Variants in CSTPP1 observed in about 807,000 individuals in gnomAD.
The protein encoded by CSTPP1 is UPF0705 protein C11orf49.
chr11:47,134,213 G>C, the CSTPP1 span, among the ~76,000 whole-genome samples: 4 of 151,556 alleles, frequency 2.6e-5, no homozygotes, highest in East Asian at 1.9e-4. Flanking sequence ...ATTTTTTTGA[G>C]GGGGGAAGGA....
the CSTPP1 span, chr11:47,041,086 GC>G: frequency 5.3e-6 from 1 of 186,954 alleles, no homozygotes; most frequent in South Asian, 5.8e-5. Context: ...GACTTTGTCT[GC>G]CCCCTGCACC....
the CSTPP1 span, chr11:47,160,859 T>G: frequency 6.3e-6 from 3 of 479,986 alleles, no homozygotes; most frequent in Non-Finnish European, 1.1e-5. Flanking sequence ...CACCACCTGG[T>G]GTTGGAAGGG....
the CSTPP1 span, among the ~76,000 whole-genome samples, chr11:47,050,396 T>C: frequency 3.3e-5 from 5 of 152,324 alleles, no homozygotes; most frequent in Admixed American, 6.5e-5. Flanking sequence ...GCTTACTCCA[T>C]AGAACTGACA....
chr11:47,005,804 A>C, the CSTPP1 span, among the ~76,000 whole-genome samples: 2 of 152,228 alleles, frequency 1.3e-5, no homozygotes, highest in African/African-American at 2.4e-5. Flanking sequence ...TGTTGGAATG[A>C]TTAAATGAGT....
At chr11:47,125,193 G>T in the CSTPP1 span, among the ~76,000 whole-genome samples, 2 of 152,214 alleles carry the variant, frequency 1.3e-5, no homozygotes, top group African/African-American at 2.4e-5. Context: ...TTCATCTGAA[G>T]AGATGTGTGT....
At chr11:46,951,427 G>T in the CSTPP1 span, among the ~76,000 whole-genome samples, 1 of 151,662 alleles carries the variant, frequency 6.6e-6, no homozygotes, top group Admixed American at 6.6e-5. Context: ...CTCCCAGGTA[G>T]CTGGGACTAT....
At chr11:47,129,957 A>C in the CSTPP1 span, among the ~76,000 whole-genome samples, 1 of 152,162 alleles carries the variant, frequency 6.6e-6, no homozygotes, top group Non-Finnish European at 1.5e-5. Flanking sequence ...AGTCATAATA[A>C]AATATAAAAC....
the CSTPP1 span, among the ~76,000 whole-genome samples, chr11:47,152,572 CCGAGG>C: frequency 2.0e-5 from 3 of 152,190 alleles, no homozygotes; most frequent in Non-Finnish European, 4.4e-5. Context: ...AGCTTCTGCT[CCGAGG>C]CAGGCTCTGG....
At chr11:47,039,131 CT>C in the CSTPP1 span, among the ~76,000 whole-genome samples, 1 of 127,450 alleles carries the variant, frequency 7.8e-6, no homozygotes, top group South Asian at 2.5e-4. Flanking sequence ...AATCTCGGCA[CT>C]TTGGGAGGCC....
the CSTPP1 span, among the ~76,000 whole-genome samples, chr11:46,976,522 A>T: frequency 6.6e-6 from 1 of 152,190 alleles, no homozygotes; most frequent in African/African-American, 2.4e-5. Flanking sequence ...CACCTTGGGC[A>T]TGTTACAGAA....
chr11:47,163,955 T>G, the CSTPP1 span: 1 of 1,033,156 alleles, frequency 9.7e-7, no homozygotes. Flanking sequence ...GTTAAATATT[T>G]CTTAAACTCC....
At chr11:47,157,769 CCT>C in the CSTPP1 span, 1 of 1,578,404 alleles carries the variant, frequency 6.3e-7, no homozygotes. Context: ...CAGAGGTGGC[CCT>C]GAGGCTGGCT....
At chr11:47,064,720 G>T in the CSTPP1 span, among the ~76,000 whole-genome samples, 7 of 151,864 alleles carry the variant, frequency 4.6e-5, no homozygotes, top group East Asian at 5.8e-4. Flanking sequence ...ATAAGTTGGG[G>T]TTTTTTTGTT....
chr11:47,081,570 A>C, the CSTPP1 span, among the ~76,000 whole-genome samples: 1 of 152,190 alleles, frequency 6.6e-6, no homozygotes. Context: ...TACTCTCTCC[A>C]TCACCACACT....
chr11:47,013,620 G>A, the CSTPP1 span, among the ~76,000 whole-genome samples: 2 of 152,166 alleles, frequency 1.3e-5, no homozygotes, highest in Non-Finnish European at 2.9e-5. Context: ...TGGTGTATAT[G>A]TACCACATTT....
the CSTPP1 span, among the ~76,000 whole-genome samples, chr11:46,990,888 C>G: frequency 2.4e-3 from 369 of 152,284 alleles, 1 homozygote; most frequent in African/African-American, 8.1e-3. Flanking sequence ...AACAGGGAGT[C>G]CTTTCCCCAG....
At chr11:47,021,209 A>C in the CSTPP1 span, among the ~76,000 whole-genome samples, 1 of 152,186 alleles carries the variant, frequency 6.6e-6, no homozygotes, top group Admixed American at 6.5e-5. Context: ...TGGGGACCAA[A>C]GAGCACCTGG....
At chr11:47,161,014 G>C in the CSTPP1 span, 1 of 1,369,898 alleles carries the variant, frequency 7.3e-7, no homozygotes, top group East Asian at 2.3e-5. Flanking sequence ...TCTTTAGATC[G>C]GCCCTCGCAG....
chr11:47,150,495 C>A, the CSTPP1 span, among the ~76,000 whole-genome samples: 1 of 152,168 alleles, frequency 6.6e-6, no homozygotes, highest in Admixed American at 6.5e-5. Context: ...AGGACAAAGA[C>A]AACAGTGTGA....
Sources: allele counts gnomAD v4.1 joint callset (sites outside exome capture counted in the v4.1 genomes callset), GRCh38; gene constraint gnomAD v4.1.1; transcripts MANE v1.5; gene names NCBI Gene and HGNC (gene_info 2026-07-23, HGNC 2026-07-21).